DISP3: variants seen among roughly 807,000 people sequenced by gnomAD.
DISP3 encodes the protein protein dispatched homolog 3.
Under a neutral mutation model 135.3 loss-of-function variants are expected in DISP3, and 101 were observed. That is an observed-to-expected ratio of 0.75 (90% confidence interval 0.64 to 0.88). DISP3 has a LOEUF of 0.88. Ranked by LOEUF, DISP3 falls within the 40% of genes least tolerant of loss-of-function variation. The probability of loss-of-function intolerance (pLI) is 0.00; values close to 1 mark genes in which losing one functional copy is unlikely to be tolerated. For synonymous variants in DISP3, 856 were observed against 817.0 expected, an observed-to-expected ratio of 1.05 and a Z score of -0.81; for missense variants, 1,713 against 1,878.6, an observed-to-expected ratio of 0.91 and a Z score of 1.63.
In DISP3 at chr1:11,500,868, T is replaced by C. The variant is rs145550999; in HGVS notation, c.-3-122T>C. The C allele has an allele frequency of 8.0e-5, 85 of 1,064,432 alleles. No homozygotes were observed. In the East Asian group the frequency reaches 1.5e-3, roughly 19 times the overall value. The allele number at this position is 1,064,432 out of a possible 1,614,324, so 65.9% of individuals were successfully genotyped here. On this transcript the variant is annotated intron_variant, in intron 1 of 20. Coordinates refer to ENST00000294484, the MANE Select transcript of DISP3 (RefSeq NM_020780.2). Reference sequence around the variant, plus strand: ...TTGATGCATGCTTGATGCAATTCCATTGCAGTATTAGTATTTGGTTATGAG... The same window carrying C: ...TTGATGCATGCTTGATGCAATTCCACTGCAGTATTAGTATTTGGTTATGAG...
intron 7 of DISP3, among the ~76,000 whole-genome samples, chr1:11,518,667 C>T (rs903550494): frequency 2.6e-5 from 4 of 152,186 alleles, no homozygotes; most frequent in Non-Finnish European, 4.4e-5. Context: ...CCTCCTCCCT[C>T]GGCAGCCATG....
chr1:11,535,416 C>T (rs912348611), intron 19 of DISP3, 62 bp from the exon 20 acceptor site: 11 of 1,543,466 alleles, frequency 7.1e-6, no homozygotes, highest in African/African-American at 2.7e-5. Context: ...CCAGACCTCC[C>T]TGTTCCTCTG....
Position 11,501,668 on chromosome 1 carries a change from C to G in DISP3, c.676C>G (p.Leu226Val). The G allele has an allele frequency of 1.2e-6, 2 of 1,608,096 alleles. No homozygotes were observed. Among genetic ancestry groups the G allele is most frequent in the Non-Finnish European group, 8.5e-7 (1 of 1,177,976 alleles). ...NQSEDPRNQRLSKNGRYQPSI... is the reference protein window; with the variant it reads ...NQSEDPRNQRVSKNGRYQPSI... ...GAGTGAAGACCCGCGAAACCAGCGGCTGAGCAAGAATGGGCGGTACCAGCC... is the reference window on the plus strand; with the variant it reads ...GAGTGAAGACCCGCGAAACCAGCGGGTGAGCAAGAATGGGCGGTACCAGCC... Residue 226 changes from leucine to valine, a missense_variant, in exon 2 of 21, where the codon CTG (leucine) becomes GTG (valine). Coordinates refer to ENST00000294484, the MANE Select transcript of DISP3 (RefSeq NM_020780.2). The surrounding 1 kb of genome is among the most constrained non-coding windows in gnomAD (Gnocchi z 4.9).
At chr1:11,493,758 C>T (rs947486702) in intron 1 of DISP3, among the ~76,000 whole-genome samples, 1 of 152,086 alleles carries the variant, frequency 6.6e-6, no homozygotes, top group African/African-American at 2.4e-5. Context: ...AACACACTCT[C>T]TCTCTCACAC....
intron 3 of DISP3, among the ~76,000 whole-genome samples, chr1:11,513,195 G>A (rs907517623): frequency 6.6e-6 from 1 of 152,122 alleles, no homozygotes; most frequent in African/African-American, 2.4e-5. Flanking sequence ...GAGGTGGAAG[G>A]ATTGTTTGAG....
chr1:11,504,682 T>A (rs535609460), intron 3 of DISP3, among the ~76,000 whole-genome samples: 1 of 152,132 alleles, frequency 6.6e-6, no homozygotes, highest in South Asian at 2.1e-4. Flanking sequence ...TAAAGCGAGG[T>A]TCCTCCTCTT....
Position 11,530,824 on chromosome 1 carries a change from G to T in DISP3, c.3103-83G>T, listed in dbSNP as rs1218339223. On this transcript the variant is annotated intron_variant, in intron 15 of 20. Coordinates refer to ENST00000294484, the MANE Select transcript of DISP3 (RefSeq NM_020780.2). ...GTAGCAGGAAGCTGCTGGAGGTTCT[G>T]CCCCAGGGTTGGGGGTGAGCACCCA... The T allele has an allele frequency of 1.3e-5, 20 of 1,554,182 alleles. No individual in the cohort carries two copies. In the Admixed American group the frequency reaches 3.5e-4, roughly 27 times the overall value.
At chr1:11,484,560 C>T (rs1325012582) in intron 1 of DISP3, among the ~76,000 whole-genome samples, 1 of 152,208 alleles carries the variant, frequency 6.6e-6, no homozygotes, top group South Asian at 2.1e-4. Flanking sequence ...ATGTTTCTCC[C>T]TGAACTCAGG....
chr1:11,529,601 C>A lies in DISP3; in HGVS notation c.2844C>A (p.Arg948=), dbSNP rs200549265. The change falls in exon 14 of 21, where the codon CGC becomes CGA. Residue 948 remains arginine (R), a synonymous_variant. Coordinates refer to ENST00000294484, the MANE Select transcript of DISP3 (RefSeq NM_020780.2). This position sits in a 1 kb window ranked among gnomAD's most constrained non-coding sequence, Gnocchi z 4.7. ...CCCACAAGCCCCCCTTCCACGGGCG[C>A]GTATGCATGGCACCCCCTGGCTGCC... ...AQSHKPPFHG[R]VCMAPPGCLL... is the part of the protein sequence containing the mutation. The A allele has an allele frequency of 3.1e-6, 5 of 1,607,214 alleles. No individual in the cohort carries two copies. Among genetic ancestry groups the A allele is most frequent in the South Asian group, 1.1e-5 (1 of 90,874 alleles).
rs1330125642 is a variant in DISP3 at position 11,533,549 on chromosome 1, G to A, written c.3376-832G>A. 1.0e-4 allele frequency: 54 copies of A among 521,470 alleles called. 1 individual carries two copies. The East Asian group carries it at 1.2e-3, about 11-fold the overall frequency. The allele number at this position is 521,470 out of a possible 1,614,324, so 32.3% of individuals were successfully genotyped here. A position where few individuals can be genotyped will look rare whatever the true frequency, so the allele number is the denominator to read the frequency against. On this transcript the variant is annotated intron_variant, in intron 17 of 20. Coordinates refer to ENST00000294484, the MANE Select transcript of DISP3 (RefSeq NM_020780.2). ...GGGGATTATAGGCGTGAGCCACTGC[G>A]CCCAGCCGGTGACTGGCTCATTTTA...
intron 1 of DISP3, among the ~76,000 whole-genome samples, chr1:11,482,296 G>A (rs1456463995): frequency 1.3e-5 from 2 of 152,158 alleles, no homozygotes; most frequent in African/African-American, 2.4e-5. Flanking sequence ...CAGTGAGTAG[G>A]GGCTTTGCAA....
intron 3 of DISP3, among the ~76,000 whole-genome samples, chr1:11,513,479 C>G (rs1403254631): frequency 6.6e-6 from 1 of 152,126 alleles, no homozygotes; most frequent in Non-Finnish European, 1.5e-5. Context: ...TCCCACGTAC[C>G]CTGTTTTTAA....
intron 3 of DISP3, among the ~76,000 whole-genome samples, chr1:11,512,907 T>C (rs754434812): frequency 1.1e-4 from 17 of 151,570 alleles, no homozygotes; most frequent in Non-Finnish European, 2.4e-4. Context: ...CAGGAGAAAA[T>C]GAGGAAAAAG....
At chr1:11,507,259 C>T (rs1641731833) in intron 3 of DISP3, among the ~76,000 whole-genome samples, 1 of 152,222 alleles carries the variant, frequency 6.6e-6, no homozygotes, top group South Asian at 2.1e-4. Flanking sequence ...TGGAAAGTCT[C>T]AGTCTACCTC....
At chr1:11,480,515 C>T (rs1640869115) in intron 1 of DISP3, among the ~76,000 whole-genome samples, 1 of 152,140 alleles carries the variant, frequency 6.6e-6, no homozygotes, top group African/African-American at 2.4e-5. Flanking sequence ...ACCTGGGCAG[C>T]ATCTTCGCCC....
Position 11,537,069 on chromosome 1 carries a change from T to G in DISP3, c.*383T>G. On this transcript the variant is annotated 3_prime_UTR_variant, in exon 21 of 21. Transcript: ENST00000294484. ...TACAGGGTGGCCCCCATTCTACCGA[T>G]GTGAAAACTGAGGCGCCAGGACACA... is the stretch of plus-strand genomic sequence containing the variant. 1 of 195,964 alleles carries G rather than the reference T, an allele frequency of 5.1e-6. No individual in the cohort carries two copies. The allele number at this position is 195,964 out of a possible 1,614,324, so 12.1% of individuals were successfully genotyped here. A position where few individuals can be genotyped will look rare whatever the true frequency, so the allele number is the denominator to read the frequency against.
intron 10 of DISP3, among the ~76,000 whole-genome samples, chr1:11,522,870 A>G (rs377443666): frequency 0.016 from 290 of 18,540 alleles, no homozygotes; most frequent in Middle Eastern, 0.036. Context: ...ACCCAGCCAG[A>G]GCCCAGCCAG....
At chr1:11,524,194 G>C (rs1642340840) in intron 11 of DISP3, 139 bp downstream of exon 11, 4 of 656,690 alleles carry the variant, frequency 6.1e-6, no homozygotes, top group Non-Finnish European at 1.0e-5. Flanking sequence ...AGAGGAGCTG[G>C]GGATGGGGGG....
At chr1:11,530,056 C>G in intron 15 of DISP3, 97 bp downstream of exon 15, 1 of 1,488,214 alleles carries the variant, frequency 6.7e-7, no homozygotes, top group South Asian at 1.3e-5. Context: ...TCCTCACACC[C>G]CCTCTTGGCT....
Sources: gnomAD v4.1 joint callset for allele counts (sites outside exome capture counted in the v4.1 genomes callset) on GRCh38, gnomAD v4.1.1 for gene constraint, Gnocchi (gnomAD v3.1) non-coding constraint, MANE v1.5 for transcripts, NCBI Gene and HGNC (gene_info 2026-07-23, HGNC 2026-07-21) for gene names.